The following MIPOL1 variants were observed in gnomAD, a reference collection of about 807,000 sequenced individuals.
MIPOL1 encodes mirror-image polydactyly 1.
Under a neutral mutation model 60.9 loss-of-function variants are expected in MIPOL1, and 57 were observed. The ratio of observed to expected loss-of-function variants is 0.94; its 90% CI spans 0.76 to 1.17. The LOEUF is 1.17. Ranked by LOEUF, MIPOL1 falls within the 50% of genes most tolerant of loss-of-function variation. MIPOL1 has a pLI of 0.00. For missense variants in MIPOL1, 551 were observed against 511.6 expected, an observed-to-expected ratio of 1.08 and a Z score of -0.74; for synonymous variants, 179 against 168.8, an observed-to-expected ratio of 1.06 and a Z score of -0.47.
intron 9 of MIPOL1, among the ~76,000 whole-genome samples, chr14:37,340,244 T>C (rs1347674071): frequency 1.3e-5 from 2 of 152,064 alleles, no homozygotes. Flanking sequence ...TTTGTCTTTG[T>C]TTAAAAAAAA....
rs371103950 is a variant in MIPOL1, at chr14:37,403,054, G to A, written c.937-19801G>A. 1.8e-3 allele frequency among the ~76,000 whole-genome samples: 275 copies of A among 152,306 alleles called. 1 individual carries two copies. Among genetic ancestry groups the A allele is most frequent in the African/African-American group, 5.6e-3 (234 of 41,566 alleles). On this transcript the variant is annotated intron_variant, in intron 10 of 12. Coordinates refer to ENST00000684589, the MANE Select transcript of MIPOL1 (RefSeq NM_001388067.1). ...CTTTTCCAATATTCCTGCCTAGTGC[G>A]AAGGGAAAGGAGGGCTTCCCAATAT...
At chr14:37,202,368 A>G (rs942247284) in intron 1 of MIPOL1, among the ~76,000 whole-genome samples, 3 of 149,292 alleles carry the variant, frequency 2.0e-5, no homozygotes, top group South Asian at 4.2e-4. Flanking sequence ...TGGATCCAGT[A>G]CATACTGCAT....
chr14:37,358,946 C>G (rs1178495315), intron 9 of MIPOL1, among the ~76,000 whole-genome samples: 1 of 152,090 alleles, frequency 6.6e-6, no homozygotes, highest in African/African-American at 2.4e-5. Flanking sequence ...AGGTTTTCTT[C>G]TAGGGTTTTT....
intron 11 of MIPOL1, among the ~76,000 whole-genome samples, chr14:37,428,191 T>G (rs531679686): frequency 6.6e-6 from 1 of 152,310 alleles, no homozygotes; most frequent in East Asian, 1.9e-4. Flanking sequence ...AAACTTCAAG[T>G]CTGACTCTCA....
chr14:37,307,902 G>A (rs989325850), intron 7 of MIPOL1, among the ~76,000 whole-genome samples, 154 bp from the exon 8 acceptor site: 8 of 151,962 alleles, frequency 5.3e-5, no homozygotes, highest in Admixed American at 2.0e-4. Context: ...AGATGGAGTC[G>A]AGCAGGTGGC....
chr14:37,507,477 C>G (rs2095288434), intron 12 of MIPOL1: 1 of 152,128 alleles, frequency 6.6e-6, no homozygotes, highest in African/African-American at 2.4e-5. Flanking sequence ...AGCTGGAAAC[C>G]ATCATTCTCA....
chr14:37,292,686 G>T (rs2085212167), intron 7 of MIPOL1, among the ~76,000 whole-genome samples: 1 of 151,726 alleles, frequency 6.6e-6, no homozygotes, highest in Admixed American at 6.6e-5. Context: ...TCGCCATGTT[G>T]ACCAGGCTGG....
At chr14:37,491,203 A>G (rs2095042925) in intron 11 of MIPOL1, among the ~76,000 whole-genome samples, 1 of 152,162 alleles carries the variant, frequency 6.6e-6, no homozygotes, top group Non-Finnish European at 1.5e-5. Flanking sequence ...CTGGCCCTAC[A>G]TTAATTCCAG....
intron 10 of MIPOL1, among the ~76,000 whole-genome samples, chr14:37,370,726 A>G (rs1439284977): frequency 1.3e-5 from 2 of 152,176 alleles, no homozygotes; most frequent in East Asian, 3.8e-4. Context: ...ATATTTGTCT[A>G]ATGCACTTTT....
intron 10 of MIPOL1, among the ~76,000 whole-genome samples, chr14:37,407,859 T>TC: frequency 7.9e-6 from 1 of 127,254 alleles, no homozygotes; most frequent in African/African-American, 3.0e-5. Context: ...TTTTTTTTTT[T>TC]TTTTTTTGGA....
intron 9 of MIPOL1, among the ~76,000 whole-genome samples, chr14:37,351,155 G>A (rs1481193471): frequency 2.8e-5 from 4 of 144,490 alleles, no homozygotes; most frequent in Admixed American, 1.4e-4. Flanking sequence ...GAGAATATGC[G>A]GTGTTTGGTT....
At chr14:37,433,326 C>T (rs2094107468) in intron 11 of MIPOL1, among the ~76,000 whole-genome samples, 4 of 151,970 alleles carry the variant, frequency 2.6e-5, no homozygotes, top group Non-Finnish European at 5.9e-5. Flanking sequence ...ACCCATCAAC[C>T]CATCATCTAC....
At chr14:37,207,091 C>A (rs147353732) in intron 1 of MIPOL1, among the ~76,000 whole-genome samples, 145 of 152,128 alleles carry the variant, frequency 9.5e-4, no homozygotes, top group African/African-American at 3.4e-3. Flanking sequence ...GAACCAGGGG[C>A]GGAATGATAT....
chr14:37,375,451 C>T (rs1001596845), intron 10 of MIPOL1, among the ~76,000 whole-genome samples: 3 of 152,016 alleles, frequency 2.0e-5, no homozygotes, highest in African/African-American at 4.8e-5. Context: ...TCCCACAGTG[C>T]GGGGATTACA....
intron 11 of MIPOL1, among the ~76,000 whole-genome samples, chr14:37,456,294 A>G (rs939020657): frequency 1.3e-5 from 2 of 152,156 alleles, no homozygotes; most frequent in Middle Eastern, 3.4e-3. Flanking sequence ...ATATTCCTCA[A>G]CCTAAATAAA....
chr14:37,274,942 A>G (rs1322671345), intron 6 of MIPOL1, among the ~76,000 whole-genome samples: 6 of 151,282 alleles, frequency 4.0e-5, no homozygotes, highest in African/African-American at 1.2e-4. Context: ...ATAGATAAGT[A>G]TGGGATAGCT....
At chr14:37,214,556 G>A (rs938665375) in intron 1 of MIPOL1, among the ~76,000 whole-genome samples, 27 of 152,030 alleles carry the variant, frequency 1.8e-4, no homozygotes, top group Non-Finnish European at 3.5e-4. Flanking sequence ...ATAGATCATA[G>A]ATATGATTAT....
At chr14:37,226,203 G>C (rs1969704311) in intron 1 of MIPOL1, among the ~76,000 whole-genome samples, 1 of 152,132 alleles carries the variant, frequency 6.6e-6, no homozygotes, top group African/African-American at 2.4e-5. Flanking sequence ...GTATTACCCA[G>C]TTCCAAAGTT....
intron 11 of MIPOL1, among the ~76,000 whole-genome samples, chr14:37,487,853 G>A (rs891442390): frequency 6.6e-6 from 1 of 152,124 alleles, no homozygotes; most frequent in African/African-American, 2.4e-5. Flanking sequence ...TCTGATCTTA[G>A]TTATTTCTTG....
Sources: allele counts gnomAD v4.1 joint callset (sites outside exome capture counted in the v4.1 genomes callset), GRCh38; gene constraint gnomAD v4.1.1; transcripts MANE v1.5; gene names NCBI Gene and HGNC (gene_info 2026-07-23, HGNC 2026-07-21).